The following ZFAND6 variants were observed in gnomAD, a reference collection of about 807,000 sequenced individuals.
The protein encoded by ZFAND6 is AN1-type zinc finger protein 6.
Under a neutral mutation model 24.5 loss-of-function variants are expected in ZFAND6, and 12 were observed. The ratio of observed to expected loss-of-function variants is 0.49; its 90% CI spans 0.31 to 0.79. The LOEUF (loss-of-function observed/expected upper bound fraction) is 0.79, where lower values mean the gene tolerates loss of function less well. ZFAND6 is among the 30% of genes least tolerant of loss of function. The probability of loss-of-function intolerance (pLI) is 0.04; values close to 1 mark genes in which losing one functional copy is unlikely to be tolerated. For missense variants in ZFAND6, 207 were observed against 245.9 expected (o/e 0.84, Z 1.06); for synonymous variants, 92 against 81.5 (o/e 1.13, Z -0.69).
chr15:80,066,898 CAA>C (rs550502301), intron 1 of ZFAND6, among the ~76,000 whole-genome samples: 1,824 of 115,044 alleles, frequency 0.016, 31 homozygotes, highest in African/African-American at 0.051. Flanking sequence ...CTCCATCTCC[CAA>C]AAAAAAAAAA....
Position 80,126,838 on chromosome 15 carries a change from T to C in ZFAND6, c.364+4038T>C, listed in dbSNP as rs141204418. Among the ~76,000 whole-genome samples the C allele has an allele frequency of 8.6e-3, 1,304 of 152,246 alleles. 23 individuals are homozygous for C. Among genetic ancestry groups the C allele is most frequent in the African/African-American group, 0.029 (1,190 of 41,522 alleles). On this transcript the variant is annotated intron_variant, in intron 5 of 6. Transcript: ENST00000261749. ...TTAAAAGAGTGGAAAAACAGCCAGG[T>C]GCAGTGACTTATGCCTGTAATCCCA...
intron 3 of ZFAND6, among the ~76,000 whole-genome samples, chr15:80,121,176 T>A (rs1215354896): frequency 6.6e-6 from 1 of 152,206 alleles, no homozygotes; most frequent in Non-Finnish European, 1.5e-5. Flanking sequence ...GTGTAGGCTA[T>A]TACTTAGTTC....
Position 80,134,899 on chromosome 15 carries a change from G to A in ZFAND6, c.479-2581G>A, listed in dbSNP as rs76192670. Among the ~76,000 whole-genome samples the A allele has an allele frequency of 2.7e-3, 411 of 152,370 alleles. 1 individual carries two copies. Among genetic ancestry groups the A allele is most frequent in the African/African-American group, 8.9e-3 (372 of 41,586 alleles). On this transcript the variant is annotated intron_variant, in intron 6 of 6. Coordinates refer to ENST00000261749, the MANE Select transcript of ZFAND6 (RefSeq NM_019006.4). Reference sequence around the variant, plus strand: ...TTTCACTTCGTTTGCAACGTGGACCGTTTGGTGATATGAGAACTGAAACTA... The same window carrying A: ...TTTCACTTCGTTTGCAACGTGGACCATTTGGTGATATGAGAACTGAAACTA...
chr15:80,111,448 T>C (rs1596287453), intron 2 of ZFAND6: 2 of 451,052 alleles, frequency 4.4e-6, no homozygotes, highest in African/African-American at 4.0e-5. Context: ...CTGGGAATAC[T>C]GTATTTTCAA....
intron 2 of ZFAND6, among the ~76,000 whole-genome samples, chr15:80,119,266 T>C (rs1179004708): frequency 2.6e-5 from 4 of 152,176 alleles, no homozygotes; most frequent in African/African-American, 9.7e-5. Context: ...GTCCTGTTAG[T>C]TTTTAGTATT....
intron 2 of ZFAND6, among the ~76,000 whole-genome samples, chr15:80,105,216 C>T (rs961265242): frequency 6.6e-6 from 1 of 152,120 alleles, no homozygotes; most frequent in African/African-American, 2.4e-5. Flanking sequence ...TGCCAGTTAT[C>T]CAGAGTAATT....
rs535174905 is a variant in ZFAND6 at position 80,097,412 on chromosome 15, C to T, written c.-180-1004C>T. Among the ~76,000 whole-genome samples, 6 of 152,164 alleles carry T rather than the reference C, an allele frequency of 3.9e-5. No homozygotes were observed. The South Asian group carries it at 1.0e-3, about 26-fold the overall frequency. Reference sequence around the variant, plus strand: ...CCTGTAATCCCAACACTTTGGGAAGCCAAGGCAGGTGGATCACCTGAGGTC... The same window carrying T: ...CCTGTAATCCCAACACTTTGGGAAGTCAAGGCAGGTGGATCACCTGAGGTC... On this transcript the variant is annotated intron_variant, in intron 1 of 6. Coordinates refer to ENST00000261749, the MANE Select transcript of ZFAND6 (RefSeq NM_019006.4).
chr15:80,096,490 T>TACCA (rs1396836792), intron 1 of ZFAND6, among the ~76,000 whole-genome samples: 2 of 152,254 alleles, frequency 1.3e-5, no homozygotes, highest in Non-Finnish European at 2.9e-5. Context: ...TATTCATATG[T>TACCA]ACCATATAAG....
At chr15:80,083,857 T>G (rs933207213) in intron 1 of ZFAND6, among the ~76,000 whole-genome samples, 3 of 152,120 alleles carry the variant, frequency 2.0e-5, no homozygotes, top group African/African-American at 7.2e-5. Context: ...GCGAAATTCC[T>G]TCTCAAAAGC....
chr15:80,093,874 G>T lies in ZFAND6; in HGVS notation c.-180-4542G>T, dbSNP rs1382256856. ...TAATTCCAGTGTAGTTTCGGGAAGGGTGCAGTAGAATAATAAGATTGGGAG... is the reference window on the plus strand; with the variant it reads ...TAATTCCAGTGTAGTTTCGGGAAGGTTGCAGTAGAATAATAAGATTGGGAG... On this transcript the variant is annotated intron_variant, in intron 1 of 6. Transcript: ENST00000261749. Among the ~76,000 whole-genome samples the T allele has an allele frequency of 5.3e-5, 8 of 152,084 alleles. No homozygotes were observed. The South Asian group carries it at 1.0e-3, about 20-fold the overall frequency.
intron 2 of ZFAND6, among the ~76,000 whole-genome samples, chr15:80,115,842 T>C (rs540960486): frequency 6.6e-6 from 1 of 152,200 alleles, no homozygotes; most frequent in Non-Finnish European, 1.5e-5. Context: ...TTGAAGTAAT[T>C]GTAATGAAAA....
At chr15:80,089,387 T>G (rs1429454047) in intron 1 of ZFAND6, among the ~76,000 whole-genome samples, 4 of 149,564 alleles carry the variant, frequency 2.7e-5, no homozygotes, top group Non-Finnish European at 5.9e-5. Context: ...GCCTCCCGAG[T>G]AGCTGGGATT....
At chr15:80,059,613 G>A (rs2036210113), upstream of ZFAND6, 1 of 152,138 alleles carries the variant, frequency 6.6e-6, no homozygotes, top group African/African-American at 2.4e-5. Flanking sequence ...CGCGGGAGCC[G>A]GCCAATCCAG....
intron 2 of ZFAND6, among the ~76,000 whole-genome samples, chr15:80,105,344 G>A (rs2039265693): frequency 6.6e-6 from 1 of 152,168 alleles, no homozygotes; most frequent in African/African-American, 2.4e-5. Context: ...TCTCCTAACA[G>A]GTGATTACTG....
At chr15:80,105,250 G>C (rs1453727040) in intron 2 of ZFAND6, among the ~76,000 whole-genome samples, 2 of 152,094 alleles carry the variant, frequency 1.3e-5, no homozygotes, top group Non-Finnish European at 2.9e-5. Flanking sequence ...ATAAACTTTT[G>C]AGAGGAGGAT....
intron 2 of ZFAND6, among the ~76,000 whole-genome samples, chr15:80,112,444 C>G (rs2039656862): frequency 1.3e-5 from 2 of 151,944 alleles, no homozygotes; most frequent in Non-Finnish European, 2.9e-5. Flanking sequence ...GTTGCCCAGG[C>G]TGGATTGCAG....
intron 2 of ZFAND6, among the ~76,000 whole-genome samples, chr15:80,101,378 G>A (rs954371129): frequency 2.6e-5 from 4 of 152,050 alleles, no homozygotes; most frequent in African/African-American, 9.7e-5. Flanking sequence ...CAGGAGAATC[G>A]CTTGAACCCG....
At chr15:80,087,025 C>G (rs1414711120) in intron 1 of ZFAND6, among the ~76,000 whole-genome samples, 1 of 152,186 alleles carries the variant, frequency 6.6e-6, no homozygotes, top group Non-Finnish European at 1.5e-5. Context: ...ATAATACTCT[C>G]TATATATACA....
intron 1 of ZFAND6, among the ~76,000 whole-genome samples, chr15:80,070,743 C>T (rs1430885563): frequency 2.4e-4 from 37 of 151,856 alleles, no homozygotes. Context: ...TATTTGGTTT[C>T]CATAACTATT....
Sources: allele counts gnomAD v4.1 joint callset (sites outside exome capture counted in the v4.1 genomes callset), GRCh38; gene constraint gnomAD v4.1.1; transcripts MANE v1.5; gene names NCBI Gene and HGNC (gene_info 2026-07-23, HGNC 2026-07-21).